The following PRAG1 variants were observed in gnomAD, a reference collection of about 807,000 sequenced individuals.
PRAG1 encodes inactive tyrosine-protein kinase PRAG1.
PRAG1 carries 110 observed loss-of-function variants against 95.6 expected under a neutral mutation model. The observed-to-expected ratio is 1.15, with a 90% CI of 0.99 to 1.35. PRAG1 has a LOEUF of 1.35. Among genes scored for constraint, PRAG1 ranks in the 40% most tolerant of loss-of-function variants. The pLI is 0.00. For missense variants in PRAG1, 2,554 were observed against 1,864.7 expected (o/e 1.37, Z -6.81); for synonymous variants, 1,052 against 819.4 (o/e 1.28, Z -4.85).
chr8:8,370,779 C>T (rs572519900), intron 3 of PRAG1, among the ~76,000 whole-genome samples: 74 of 152,294 alleles, frequency 4.9e-4, no homozygotes, highest in African/African-American at 1.7e-3. Context: ...GTGGCCACTT[C>T]TGTGGACAGA....
chr8:8,348,170 G>C (rs931854048), intron 3 of PRAG1, among the ~76,000 whole-genome samples: 1 of 152,172 alleles, frequency 6.6e-6, no homozygotes, highest in Admixed American at 6.6e-5. Context: ...ACCTGCCTTG[G>C]CCTTTCAAAG....
intron 1 of PRAG1, among the ~76,000 whole-genome samples, chr8:8,382,890 C>G (rs1408245723): frequency 6.6e-6 from 1 of 152,124 alleles, no homozygotes; most frequent in African/African-American, 2.4e-5. Context: ...GAAACAGAAG[C>G]CAACTTTGCA....
In PRAG1 at chr8:8,374,643, G is replaced by A. The variant is rs145491978; in HGVS notation, c.2162+1604C>T. 1,228 of 985,182 alleles carry A rather than the reference G, an allele frequency of 1.2e-3. 11 individuals carry two copies. The African/African-American group carries it at 0.02, about 16-fold the overall frequency. The allele number at this position is 985,182 out of a possible 1,614,324, so 61.0% of individuals were successfully genotyped here. ...CATAGTGAGTGCCATATAAATGGAAGCTCATCTTAGCTGCTGAATCTCTCA... is the reference window on the plus strand; with the variant it reads ...CATAGTGAGTGCCATATAAATGGAAACTCATCTTAGCTGCTGAATCTCTCA... On this transcript the variant is annotated intron_variant, in intron 3 of 5. Transcript: ENST00000615670.
intron 1 of PRAG1, among the ~76,000 whole-genome samples, chr8:8,383,737 A>G (rs1800759173): frequency 6.6e-6 from 1 of 152,194 alleles, no homozygotes; most frequent in Non-Finnish European, 1.5e-5. Context: ...CTCCTCCTCC[A>G]AATACACCCA....
At chr8:8,328,776 G>GCACA (rs148004809) in intron 4 of PRAG1, among the ~76,000 whole-genome samples, 65 of 149,510 alleles carry the variant, frequency 4.3e-4, no homozygotes, top group Middle Eastern at 3.4e-3. Context: ...GCACGCGTGC[G>GCACA]CACACACACA....
intron 1 of PRAG1, among the ~76,000 whole-genome samples, chr8:8,384,108 C>G (rs1287518268): frequency 6.6e-6 from 1 of 152,210 alleles, no homozygotes; most frequent in Non-Finnish European, 1.5e-5. Flanking sequence ...ACAGCTCCTC[C>G]TGACACTGGG....
At position 8,317,991 on chromosome 8, in the gene PRAG1, T is replaced by A. The variant is rs1798330390; in HGVS notation, c.*163A>T. 1 of 486,400 alleles carries A rather than the reference T, an allele frequency of 2.1e-6. No individual in the cohort carries two copies. The highest frequency in any genetic ancestry group is 4.1e-5 in the Admixed American group (1 of 24,404). The allele number at this position is 486,400 out of a possible 1,614,324, so 30.1% of individuals were successfully genotyped here. On this transcript the variant is annotated 3_prime_UTR_variant, in exon 6 of 6. Transcript: ENST00000615670. ...GCAACAGCATCCTTAGTCTTTCATA[T>A]TTATATATGGTATATGTATTTTCTA... is the stretch of plus-strand genomic sequence containing the variant.
intron 3 of PRAG1, among the ~76,000 whole-genome samples, chr8:8,372,664 C>T (rs185854821): frequency 6.6e-6 from 1 of 152,296 alleles, no homozygotes; most frequent in East Asian, 1.9e-4. Context: ...GGCACTCCAG[C>T]AAGAGGTTTC....
intron 5 of PRAG1, among the ~76,000 whole-genome samples, chr8:8,321,241 T>C (rs1798463357): frequency 1.3e-5 from 2 of 152,190 alleles, no homozygotes; most frequent in Admixed American, 1.3e-4. Context: ...TGCACCACCA[T>C]GTCCAACTAA....
intron 3 of PRAG1, among the ~76,000 whole-genome samples, chr8:8,356,600 AG>A (rs1379370612): frequency 6.6e-6 from 1 of 152,178 alleles, no homozygotes; most frequent in East Asian, 1.9e-4. Flanking sequence ...TGCCCATCTC[AG>A]CCTTCCAAAG....
intron 4 of PRAG1, among the ~76,000 whole-genome samples, chr8:8,334,341 G>T (rs977134464): frequency 6.6e-6 from 1 of 151,546 alleles, no homozygotes; most frequent in Non-Finnish European, 1.5e-5. Flanking sequence ...GAAGGCTGAG[G>T]CACAATAACC....
chr8:8,334,329 C>G (rs1339871645), intron 4 of PRAG1, among the ~76,000 whole-genome samples: 1 of 151,564 alleles, frequency 6.6e-6, no homozygotes, highest in African/African-American at 2.4e-5. Context: ...CCCAGCTACT[C>G]AGAAGGCTGA....
rs1491055930 is a variant in PRAG1, at chr8:8,349,960, CAT to C, written c.2163-10327_2163-10326del. 6.3e-3 allele frequency among the ~76,000 whole-genome samples: 926 copies of C among 146,170 alleles called. 6 individuals carry two copies. Among genetic ancestry groups the C allele is most frequent in the African/African-American group, 0.022 (815 of 36,838 alleles). ...ACACACACACACACACACACACACACATACCACACAAACACACATACATGCAC... is the reference window on the plus strand; with the variant it reads ...ACACACACACACACACACACACACACACCACACAAACACACATACATGCAC... On this transcript the variant is annotated intron_variant, in intron 3 of 5. Transcript: ENST00000615670.
In PRAG1 at chr8:8,377,068, T is replaced by G. The variant is rs56190628; in HGVS notation, c.1341A>C (p.Thr447=). 1.2e-6 allele frequency: 2 copies of G among 1,613,952 alleles called. No individual in the cohort carries two copies. Among genetic ancestry groups the G allele is most frequent in the Admixed American group, 3.3e-5 (2 of 60,034 alleles). ...AAAQGQGQVC[T]GNAWAQKAAS... ...CTGCTTTCTGGGCCCAGGCATTACCTGTGCATACCTGGCCTTGGCCCTGGG... is the reference window on the plus strand; with the variant it reads ...CTGCTTTCTGGGCCCAGGCATTACCGGTGCATACCTGGCCTTGGCCCTGGG... The change falls in exon 3 of 6, where the codon ACA becomes ACC. Residue 447 remains threonine, a synonymous_variant. Coordinates refer to ENST00000615670, the MANE Select transcript of PRAG1 (RefSeq NM_001080826.3).
In PRAG1 at chr8:8,377,616, C is replaced by T; in HGVS notation, c.793G>A (p.Val265Ile). Residue 265 changes from valine (V) to isoleucine (I), a missense_variant, in exon 3 of 6, where the codon GTT becomes ATT. Coordinates refer to ENST00000615670, the MANE Select transcript of PRAG1 (RefSeq NM_001080826.3). ...GCAGTCTGGGAGGCAGCCTTGGCAA[C>T]AGGGCTCCCAGGGCAGCAGTCCAGG... ...SILDCCPGSP[V>I]AKAASQTAGS... The T allele has an allele frequency of 6.2e-7, 1 of 1,613,266 alleles. No homozygotes were observed. The highest frequency in any genetic ancestry group is 8.5e-7 in the Non-Finnish European group (1 of 1,179,912).
chr8:8,332,739 G>A (rs566389899), intron 4 of PRAG1, among the ~76,000 whole-genome samples: 55 of 149,880 alleles, frequency 3.7e-4, no homozygotes, highest in African/African-American at 1.3e-3. Context: ...CCTTGTAGAT[G>A]AAATTGGTTT....
intron 2 of PRAG1, among the ~76,000 whole-genome samples, chr8:8,379,897 C>T (rs1169771462): frequency 6.6e-6 from 1 of 152,142 alleles, no homozygotes; most frequent in Non-Finnish European, 1.5e-5. Context: ...AAATTGGAAA[C>T]AGGAGTACTG....
Position 8,317,953 on chromosome 8 carries a change from C to T in PRAG1, c.*201G>A, listed in dbSNP as rs1035206818. ...GGGAGGACTTAGTGCAGAGAGGAGA[C>T]GAGTGTGGACGGGCAACAGCATCCT... On this transcript the variant is annotated 3_prime_UTR_variant, in exon 6 of 6. Transcript: ENST00000615670. 2.7e-6 allele frequency: 1 copy of T among 370,988 alleles called. No homozygotes were observed. Among genetic ancestry groups the T allele is most frequent in the Non-Finnish European group, 4.6e-6 (1 of 217,906 alleles). 23.0% of individuals were successfully genotyped at this position (370,988 alleles called of 1,614,324 possible). A position where few individuals can be genotyped will look rare whatever the true frequency, so the allele number is the denominator to read the frequency against.
At position 8,319,104 on chromosome 8, in the gene PRAG1, T is replaced by G; in HGVS notation, c.3271A>C (p.Ile1091Leu). 3 of 1,609,686 alleles carry G rather than the reference T, an allele frequency of 1.9e-6. No individual in the cohort carries two copies. Among genetic ancestry groups the G allele is most frequent in the Non-Finnish European group, 2.5e-6 (3 of 1,179,374 alleles). ...GTCTGATGTGGCACCTCTCGGGTGA[T>G]GACCACCACGCAGTCCTGCTCCTGG... ...PAQEQDCVVV[I>L]TREVPHQTAS... is the part of the protein sequence containing the mutation. The change falls in exon 6 of 6, where the codon ATC (isoleucine) becomes CTC (leucine). Residue 1091 changes from isoleucine (I) to leucine (L), a missense_variant. Physicochemically the swap from Ile to Leu is conservative, Grantham distance 5. Transcript: ENST00000615670.
Sources: gnomAD v4.1 joint callset for allele counts (sites outside exome capture counted in the v4.1 genomes callset) on GRCh38, gnomAD v4.1.1 for gene constraint, MANE v1.5 for transcripts, NCBI Gene and HGNC (gene_info 2026-07-23, HGNC 2026-07-21) for gene names.